Variants in SMC3 observed in about 807,000 individuals in gnomAD.
SMC3 encodes structural maintenance of chromosomes 3, also known as structural maintenance of chromosomes protein 3.
A neutral mutation model predicts 171.8 loss-of-function variants in SMC3; 20 were observed. That is an observed-to-expected ratio of 0.12 (90% CI 0.08 to 0.17). The LOEUF is 0.17. Among genes scored for constraint, SMC3 ranks in the 10% least tolerant of loss-of-function variants. The pLI is 1.00. For synonymous variants in SMC3, 464 were observed against 451.1 expected (o/e 1.03, Z -0.36); for missense variants, 543 against 1,420.4 (o/e 0.38, Z 9.93).
chr10:110,569,256 G>T (rs765476591), intron 2 of SMC3, among the ~76,000 whole-genome samples: 2 of 152,194 alleles, frequency 1.3e-5, no homozygotes, highest in South Asian at 4.1e-4. Context: ...GTATGTGTGT[G>T]TAAGAGTGTT....
At chr10:110,602,693 T>A (rs1176667565) in intron 26 of SMC3, 28 bp downstream of exon 26, 8 of 1,594,252 alleles carry the variant, frequency 5.0e-6, no homozygotes, top group Non-Finnish European at 6.9e-6. Flanking sequence ...TCCATTTTCC[T>A]CAGAGCATTA....
In SMC3 at chr10:110,567,727, G is replaced by A. The variant is rs1333533101; in HGVS notation, c.-90G>A. 30 of 1,506,122 alleles carry A rather than the reference G, an allele frequency of 2.0e-5. No individual in the cohort carries two copies. The highest frequency in any genetic ancestry group is 2.8e-5 in the Non-Finnish European group (30 of 1,086,982). 93.3% of individuals were successfully genotyped at this position (1,506,122 alleles called of 1,614,324 possible). ...TGAGGGGAGCGAGCGGCGCTTTGGG[G>A]GAGGGGTCGCGTAGGCGCCTCACCT... On this transcript the variant is annotated 5_prime_UTR_variant, in exon 1 of 29. Coordinates refer to ENST00000361804, the MANE Select transcript of SMC3 (RefSeq NM_005445.4).
rs762983740 is a variant in SMC3, at chr10:110,569,003, T to TA, written c.83dup (p.Asn28LysfsTer13). Reference sequence around the variant, plus strand: ...TTGTAGATCCCTTCAGTTCAAAACATAATGTGATTGGTAAGTGTTCTTGGT... The same window carrying TA: ...TTGTAGATCCCTTCAGTTCAAAACATAAATGTGATTGGTAAGTGTTCTTGGT... On this transcript the variant is annotated frameshift_variant, in exon 2 of 29. Transcript: ENST00000361804. LOFTEE classifies it high-confidence loss of function. 1 of 1,597,146 alleles carries TA rather than the reference T, an allele frequency of 6.3e-7. No individual in the cohort carries two copies. Among genetic ancestry groups the TA allele is most frequent in the South Asian group, 1.1e-5 (1 of 90,708 alleles).
chr10:110,601,208 A>T, intron 23 of SMC3, 78 bp downstream of exon 23: 1 of 1,014,412 alleles, frequency 9.9e-7, no homozygotes, highest in South Asian at 1.3e-5. Flanking sequence ...ATGTCCAAAT[A>T]GGCAGAAGCA....
chr10:110,603,206 A>G lies in SMC3; in HGVS notation c.3498A>G (p.Val1166=), dbSNP rs201318099. The change falls in exon 28 of 29, where the codon GTA becomes GTG. Residue 1166 remains valine (V), a synonymous_variant. Coordinates refer to ENST00000361804, the MANE Select transcript of SMC3 (RefSeq NM_005445.4). ...CAGATATGATTATGGAACTTGCTGTACATGCTCAGTTTATTACAACTACTT... is the reference window on the plus strand; with the variant it reads ...CAGATATGATTATGGAACTTGCTGTGCATGCTCAGTTTATTACAACTACTT... ...AVSDMIMELA[V]HAQFITTTFR... The G allele has an allele frequency of 1.9e-6, 3 of 1,607,542 alleles. No homozygotes were observed. The highest frequency in any genetic ancestry group is 2.6e-6 in the Non-Finnish European group (3 of 1,175,724).
chr10:110,602,184 T>C lies in SMC3; in HGVS notation c.3105+6T>C. ...TTCAGTTAACTTTCAAACAGGTATGTTTCGCTTTGTAGTTAAAACATACAC... is the reference window on the plus strand; with the variant it reads ...TTCAGTTAACTTTCAAACAGGTATGCTTCGCTTTGTAGTTAAAACATACAC... On this transcript the variant is annotated splice_donor_region_variant and intron_variant, in intron 25 of 28. Coordinates refer to ENST00000361804, the MANE Select transcript of SMC3 (RefSeq NM_005445.4). 6.2e-7 allele frequency: 1 copy of C among 1,609,666 alleles called. No individual in the cohort carries two copies. Among genetic ancestry groups the C allele is most frequent in the Non-Finnish European group, 8.5e-7 (1 of 1,176,328 alleles).
At chr10:110,584,627 G>A (rs1443766996) in intron 13 of SMC3, among the ~76,000 whole-genome samples, 1 of 152,082 alleles carries the variant, frequency 6.6e-6, no homozygotes, top group Non-Finnish European at 1.5e-5. Flanking sequence ...ATGTATGTAT[G>A]TATTTTTAAT....
Position 110,590,440 on chromosome 10 carries a change from A to G in SMC3, c.1538A>G (p.Asn513Ser), listed in dbSNP as rs190230933. Residue 513 changes from asparagine (N) to serine (S), a missense_variant, in exon 16 of 29, where the codon AAC (asparagine) becomes AGC (serine). Physicochemically the swap from Asn to Ser is conservative, Grantham distance 46. Around this residue, in one of 8 missense-constraint regions of SMC3, gnomAD observed 218 missense variants for 509.6 expected, o/e 0.43. Coordinates refer to ENST00000361804, the MANE Select transcript of SMC3 (RefSeq NM_005445.4). ...KAILNGIDSINKVLDHFRRKG... is the reference protein window; with the variant it reads ...KAILNGIDSISKVLDHFRRKG... ...ATTTTAAATGGAATAGACAGCATAA[A>G]CAAAGTGCTAGACCACTTCCGTCGA... The G allele has an allele frequency of 6.2e-7, 1 of 1,614,068 alleles. No homozygotes were observed. Among genetic ancestry groups the G allele is most frequent in the Admixed American group, 1.7e-5 (1 of 60,024 alleles).
intron 2 of SMC3, among the ~76,000 whole-genome samples, chr10:110,570,552 A>G (rs145482874): frequency 6.6e-6 from 1 of 152,310 alleles, no homozygotes; most frequent in African/African-American, 2.4e-5. Context: ...TTTTTTCATC[A>G]ATCAGAAAAT....
chr10:110,586,045 C>G (rs1288730616), intron 13 of SMC3, among the ~76,000 whole-genome samples: 1 of 152,088 alleles, frequency 6.6e-6, no homozygotes, highest in African/African-American at 2.4e-5. Context: ...ACCTGCCTGC[C>G]TCGGCCTCCC....
intron 13 of SMC3, 120 bp downstream of exon 13, chr10:110,584,516 G>A: frequency 1.4e-6 from 1 of 700,552 alleles, no homozygotes; most frequent in Non-Finnish European, 2.5e-6. Flanking sequence ...ATATATGACA[G>A]ATACTTATTT....
In SMC3 at chr10:110,582,595, T is replaced by C. The variant is rs1243578031; in HGVS notation, c.757T>C (p.Ser253Pro). The C allele has an allele frequency of 6.2e-7, 1 of 1,613,746 alleles. No individual in the cohort carries two copies. The highest frequency in any genetic ancestry group is 8.5e-7 in the Non-Finnish European group (1 of 1,179,738). ...TAAGCGAGAGACTAGTGGAGAAAAA[T>C]CCAGACAATTAAGAGATGCTCAGCA... ...SAKRETSGEK[S>P]RQLRDAQQDA... The change falls in exon 10 of 29, where the codon TCC becomes CCC. Residue 253 changes from serine (S) to proline (P), a missense_variant. This residue lies in a region of SMC3 where 146 missense variants were observed against 437.9 expected (regional missense o/e 0.33). Transcript: ENST00000361804.
intron 9 of SMC3, 141 bp downstream of exon 9, chr10:110,582,239 GT>G: frequency 1.3e-6 from 1 of 768,006 alleles, no homozygotes; most frequent in South Asian, 1.7e-5. Flanking sequence ...TAGTCAGCAA[GT>G]TTTTTTAGTT....
At chr10:110,592,948 G>A (rs1861231852) in intron 17 of SMC3, 125 bp from the exon 18 acceptor site, 10 of 846,002 alleles carry the variant, frequency 1.2e-5, no homozygotes, top group East Asian at 5.1e-5. Context: ...CAGGGAAAAC[G>A]CCAATCGTTT....
rs778918338 is a variant in SMC3, at chr10:110,598,096, A to G, written c.2117-43A>G. The G allele has an allele frequency of 6.4e-6, 10 of 1,568,898 alleles. No individual in the cohort carries two copies. In the South Asian group the frequency reaches 7.8e-5, roughly 12 times the overall value. The stretch of plus-strand genomic sequence containing the variant: ...GTCTAAAAAGAATTAAGAACATACG[A>G]TATATTTACAACCTGGAGATAATTT... On this transcript the variant is annotated intron_variant, in intron 19 of 28. Coordinates refer to ENST00000361804, the MANE Select transcript of SMC3 (RefSeq NM_005445.4).
chr10:110,602,497 A>T lies in SMC3; in HGVS notation c.3129A>T (p.Val1043=). 1 of 1,613,022 alleles carries T rather than the reference A, an allele frequency of 6.2e-7. No homozygotes were observed. Among genetic ancestry groups the T allele is most frequent in the Non-Finnish European group, 8.5e-7 (1 of 1,179,396 alleles). The change falls in exon 26 of 29, where the codon GTA becomes GTT. Residue 1043 remains valine, a synonymous_variant. Transcript: ENST00000361804. ...FKQVSKNFSE[V]FQKLVPGGKA... is the part of the protein sequence containing the mutation. ...AGGTATCTAAGAACTTCAGTGAAGT[A>T]TTCCAGAAGTTAGTACCTGGTGGCA... is the stretch of plus-strand genomic sequence containing the variant.
intron 18 of SMC3, among the ~76,000 whole-genome samples, chr10:110,594,073 A>G (rs1264923964): frequency 7.2e-6 from 1 of 139,522 alleles, no homozygotes; most frequent in Non-Finnish European, 1.5e-5. Flanking sequence ...CAGGGTTCGT[A>G]CTTGATATTT....
chr10:110,605,249 C>A lies in SMC3; in HGVS notation c.*947C>A, dbSNP rs532341694. Among the ~76,000 whole-genome samples the A allele has an allele frequency of 7.8e-4, 118 of 152,240 alleles. No homozygotes were observed. The highest frequency in any genetic ancestry group is 1.4e-3 in the Non-Finnish European group (97 of 68,000). On this transcript the variant is annotated 3_prime_UTR_variant, in exon 29 of 29. Transcript: ENST00000361804. Reference sequence around the variant, plus strand: ...CATTTTTTTCCCTTTCCATACTACTCTTTTCTTTGAAAGTAGGTCTTTAAG... The same window carrying A: ...CATTTTTTTCCCTTTCCATACTACTATTTTCTTTGAAAGTAGGTCTTTAAG...
chr10:110,597,378 T>TACC (rs1437525571), intron 19 of SMC3, among the ~76,000 whole-genome samples: 1 of 152,146 alleles, frequency 6.6e-6, no homozygotes, highest in Non-Finnish European at 1.5e-5. Flanking sequence ...GGTGCTTTGG[T>TACC]ATAAGAAGTA....
Sources: allele counts gnomAD v4.1 joint callset (sites outside exome capture counted in the v4.1 genomes callset), GRCh38; gene constraint gnomAD v4.1.1; regional missense constraint gnomAD v4.1.1; transcripts MANE v1.5; gene names NCBI Gene and HGNC (gene_info 2026-07-23, HGNC 2026-07-21).